The following CHCHD3 variants were observed in gnomAD, a reference collection of about 807,000 sequenced individuals.
The protein encoded by CHCHD3 is MICOS complex subunit MIC19.
A neutral mutation model predicts 38.2 loss-of-function variants in CHCHD3; 20 were observed. That is an observed-to-expected ratio of 0.52 (90% CI 0.37 to 0.76). The LOEUF (loss-of-function observed/expected upper bound fraction) is 0.76. Among genes scored for constraint, CHCHD3 ranks in the 30% least tolerant of loss-of-function variants. CHCHD3 has a pLI of 0.00. For synonymous variants in CHCHD3, 82 were observed against 100.0 expected, an observed-to-expected ratio of 0.82 and a Z score of 1.07; for missense variants, 245 against 279.2, an observed-to-expected ratio of 0.88 and a Z score of 0.87.
intron 3 of CHCHD3, among the ~76,000 whole-genome samples, chr7:132,976,112 C>A (rs989157415): frequency 6.6e-6 from 1 of 152,070 alleles, no homozygotes; most frequent in African/African-American, 2.4e-5. Flanking sequence ...AGCAGAGAAG[C>A]CAGACATTAT....
rs66497050 is a variant in CHCHD3 at position 132,988,317 on chromosome 7, C to CACA, written c.252-13032_252-13031insTGT. On this transcript the variant is annotated intron_variant, in intron 3 of 7. Transcript: ENST00000262570. ...CACACACACCCACACACACACACACCCACACAAATATACAGATACCATTAA... is the reference window on the plus strand; with the variant it reads ...CACACACACCCACACACACACACACCACACACACAAATATACAGATACCATTAA... 3.8e-3 allele frequency among the ~76,000 whole-genome samples: 575 copies of CACA among 151,024 alleles called. 6 individuals carry two copies. Among genetic ancestry groups the CACA allele is most frequent in the African/African-American group, 0.011 (468 of 41,204 alleles).
chr7:132,918,729 G>A (rs1469923918), intron 4 of CHCHD3, among the ~76,000 whole-genome samples: 1 of 152,182 alleles, frequency 6.6e-6, no homozygotes, highest in Non-Finnish European at 1.5e-5. Flanking sequence ...TAATTCAAGA[G>A]CAAGTTTTTA....
intron 5 of CHCHD3, among the ~76,000 whole-genome samples, chr7:132,877,524 A>G (rs576727642): frequency 6.6e-6 from 1 of 152,354 alleles, no homozygotes; most frequent in African/African-American, 2.4e-5. Context: ...ACTGGGCCTT[A>G]TTCATTTTTC....
At position 132,964,916 on chromosome 7, in the gene CHCHD3, G is replaced by A. The variant is rs566873935; in HGVS notation, c.369+10253C>T. 7.2e-5 allele frequency among the ~76,000 whole-genome samples: 11 copies of A among 152,220 alleles called. No individual in the cohort carries two copies. The East Asian group carries it at 9.7e-4, about 13-fold the overall frequency. On this transcript the variant is annotated intron_variant, in intron 4 of 7. Coordinates refer to ENST00000262570, the MANE Select transcript of CHCHD3 (RefSeq NM_017812.4). ...GGTAGTGCTAATATTTCTCACCCAC[G>A]CTGGTAAACAAATTATTCTCAATCC...
chr7:132,961,440 T>C lies in CHCHD3; in HGVS notation c.369+13729A>G, dbSNP rs139743854. 4.5e-4 allele frequency among the ~76,000 whole-genome samples: 69 copies of C among 152,350 alleles called. 1 individual carries two copies. The East Asian group carries it at 0.011, about 25-fold the overall frequency. On this transcript the variant is annotated intron_variant, in intron 4 of 7. Coordinates refer to ENST00000262570, the MANE Select transcript of CHCHD3 (RefSeq NM_017812.4). ...TAATTATTTTTTCCCACCGGTTCTT[T>C]ATTTTTCCCCAGTTTTACTGGGGTG...
chr7:133,005,320 T>C (rs928519211), intron 3 of CHCHD3, among the ~76,000 whole-genome samples: 2 of 152,224 alleles, frequency 1.3e-5, no homozygotes, highest in African/African-American at 4.8e-5. Context: ...TGTGTCTCTC[T>C]AGGCTCATCC....
chr7:132,822,812 C>T (rs1807417441), intron 6 of CHCHD3, among the ~76,000 whole-genome samples: 1 of 149,532 alleles, frequency 6.7e-6, no homozygotes. Flanking sequence ...CCCACCGCGC[C>T]CCCCACCAAA....
intron 3 of CHCHD3, among the ~76,000 whole-genome samples, chr7:133,022,924 C>CA (rs11313866): frequency 0.069 from 7,526 of 108,408 alleles, 284 homozygotes; most frequent in South Asian, 0.18. Context: ...AAGGGAAGAC[C>CA]AAAAAAAAAA....
At chr7:132,886,977 G>A (rs1809233536) in intron 4 of CHCHD3, 1 of 1,301,500 alleles carries the variant, frequency 7.7e-7, no homozygotes, top group Non-Finnish European at 9.8e-7. Context: ...TACTTACTTT[G>A]TCTTCAATAT....
intron 4 of CHCHD3, among the ~76,000 whole-genome samples, chr7:132,921,749 T>C (rs1159748737): frequency 6.6e-6 from 1 of 152,192 alleles, no homozygotes; most frequent in African/African-American, 2.4e-5. Context: ...TAGAAAATGG[T>C]CCTAAGGCAG....
intron 4 of CHCHD3, among the ~76,000 whole-genome samples, chr7:132,951,362 G>T (rs1489898493): frequency 1.3e-5 from 2 of 152,302 alleles, no homozygotes; most frequent in Non-Finnish European, 2.9e-5. Flanking sequence ...TATTTAGAAA[G>T]AAGCAATAGA....
At chr7:133,025,856 A>G (rs1351895223) in intron 2 of CHCHD3, among the ~76,000 whole-genome samples, 1 of 152,234 alleles carries the variant, frequency 6.6e-6, no homozygotes, top group Non-Finnish European at 1.5e-5. Context: ...AAAACTAGAC[A>G]GCAGTGTCTC....
chr7:132,867,500 G>A (rs1014509535), intron 5 of CHCHD3, among the ~76,000 whole-genome samples: 11 of 152,122 alleles, frequency 7.2e-5, no homozygotes, highest in Admixed American at 5.2e-4. Context: ...AACTTACAGA[G>A]GTAGGTTTTT....
chr7:132,976,514 T>G (rs1364829682), intron 3 of CHCHD3, among the ~76,000 whole-genome samples: 6 of 152,348 alleles, frequency 3.9e-5, no homozygotes, highest in African/African-American at 1.4e-4. Flanking sequence ...AATCACTGAA[T>G]CACTGAAGAT....
At chr7:132,928,594 G>C (rs1359326721) in intron 4 of CHCHD3, among the ~76,000 whole-genome samples, 1 of 152,146 alleles carries the variant, frequency 6.6e-6, no homozygotes, top group Non-Finnish European at 1.5e-5. Flanking sequence ...CTACTGGAGA[G>C]GCTGAAGCAG....
In CHCHD3 at chr7:132,981,760, TG is replaced by T. The variant is rs1367775729; in HGVS notation, c.252-6475del. Reference sequence around the variant, plus strand: ...TGTAATACATAAGGCCATTACACTATGGAGAGAAAGTTGATAAGAACTTCAG... The same window carrying T: ...TGTAATACATAAGGCCATTACACTATGAGAGAAAGTTGATAAGAACTTCAG... On this transcript the variant is annotated intron_variant, in intron 3 of 7. Transcript: ENST00000262570. 2.0e-5 allele frequency among the ~76,000 whole-genome samples: 3 copies of T among 152,192 alleles called. 1 individual carries two copies. Among genetic ancestry groups the T allele is most frequent in the Non-Finnish European group, 2.9e-5 (2 of 68,024 alleles).
chr7:132,901,817 T>C (rs1056880925), intron 4 of CHCHD3, among the ~76,000 whole-genome samples: 1 of 152,240 alleles, frequency 6.6e-6, no homozygotes, highest in African/African-American at 2.4e-5. Flanking sequence ...CTCTTTAGTT[T>C]AATTAGATCC....
intron 5 of CHCHD3, among the ~76,000 whole-genome samples, chr7:132,862,343 T>C (rs1200006327): frequency 6.6e-6 from 1 of 152,220 alleles, no homozygotes; most frequent in Non-Finnish European, 1.5e-5. Context: ...ACTATCACAA[T>C]AAAGTGAGTC....
Position 132,785,544 on chromosome 7 carries a change from T to C in CHCHD3, c.*93A>G. 8.3e-7 allele frequency: 1 copy of C among 1,204,158 alleles called. No individual in the cohort carries two copies. The highest frequency in any genetic ancestry group is 1.2e-6 in the Non-Finnish European group (1 of 811,980). 74.6% of individuals were successfully genotyped at this position (1,204,158 alleles called of 1,614,324 possible). ...TCTTTAGTGGTCTTCTCATTAGTGG[T>C]CTTCTCTTCAAATGGGTTGTTTTCT... On this transcript the variant is annotated 3_prime_UTR_variant, in exon 8 of 8. Coordinates refer to ENST00000262570, the MANE Select transcript of CHCHD3 (RefSeq NM_017812.4).
Sources: gnomAD v4.1 joint callset for allele counts (sites outside exome capture counted in the v4.1 genomes callset) on GRCh38, gnomAD v4.1.1 for gene constraint, MANE v1.5 for transcripts, NCBI Gene and HGNC (gene_info 2026-07-23, HGNC 2026-07-21) for gene names.